ABHD12: variants seen among roughly 807,000 people sequenced by gnomAD.
The protein encoded by ABHD12 is lysophosphatidylserine lipase ABHD12.
A neutral mutation model predicts 58.3 loss-of-function variants in ABHD12; 43 were observed. The observed-to-expected ratio is 0.74, with a 90% CI of 0.58 to 0.95. The LOEUF is 0.95. Among genes scored for constraint, ABHD12 ranks in the 40% least tolerant of loss-of-function variants. The probability of loss-of-function intolerance (pLI) is 0.00; values close to 1 mark genes in which losing one functional copy is unlikely to be tolerated. For missense variants in ABHD12, 539 were observed against 537.2 expected (o/e 1.00, Z -0.03); for synonymous variants, 219 against 211.2 (o/e 1.04, Z -0.32).
chr20:25,369,927 T>TAAAAAAAAAA lies in ABHD12; in HGVS notation c.191+20576_191+20585dup. 2.2e-5 allele frequency among the ~76,000 whole-genome samples: 2 copies of TAAAAAAAAAA among 91,440 alleles called. 1 individual carries two copies. Among genetic ancestry groups the TAAAAAAAAAA allele is most frequent in the Non-Finnish European group, 4.1e-5 (2 of 48,732 alleles). 60.0% of individuals were successfully genotyped at this position (91,440 alleles called of 152,430 possible). ...AGACCCTGTTTCTCTGTCTCTGTTA[T>TAAAAAAAAAA]AAAAAAAAAAAAAAAAAAAAAAGCC... On this transcript the variant is annotated intron_variant, in intron 1 of 12. Coordinates refer to ENST00000339157, the MANE Select transcript of ABHD12 (RefSeq NM_001042472.3).
At chr20:25,350,868 C>T (rs2089588285) in intron 1 of ABHD12, among the ~76,000 whole-genome samples, 1 of 151,910 alleles carries the variant, frequency 6.6e-6, no homozygotes, top group Admixed American at 6.6e-5. Context: ...GGGAAGATCT[C>T]CAGTCAGGCT....
At chr20:25,335,641 G>A (rs1410987764) in intron 2 of ABHD12, among the ~76,000 whole-genome samples, 1 of 145,196 alleles carries the variant, frequency 6.9e-6, no homozygotes. Context: ...AAAATGATGA[G>A]TTCATGTCCT....
chr20:25,296,712 C>T, downstream of ABHD12: 1 of 762,622 alleles, frequency 1.3e-6, no homozygotes, highest in East Asian at 2.8e-5. Flanking sequence ...TAGAAGTGCT[C>T]CTAGTTTCTT....
At chr20:25,338,991 A>C in intron 2 of ABHD12, 2 of 1,283,082 alleles carry the variant, frequency 1.6e-6, no homozygotes, top group Non-Finnish European at 2.0e-6. Context: ...CCAGCTGGGA[A>C]GGGGCACAGG....
At chr20:25,374,792 G>A (rs545831492) in intron 1 of ABHD12, among the ~76,000 whole-genome samples, 13 of 152,222 alleles carry the variant, frequency 8.5e-5, no homozygotes, top group East Asian at 1.9e-4. Flanking sequence ...GAGCCACCAC[G>A]CCCAGCCTAC....
intron 3 of ABHD12, among the ~76,000 whole-genome samples, chr20:25,321,423 G>A (rs369935394): frequency 2.6e-5 from 4 of 152,400 alleles, no homozygotes; most frequent in African/African-American, 7.2e-5. Context: ...GCTGGTGGGA[G>A]GGTCTGATGA....
intron 1 of ABHD12, among the ~76,000 whole-genome samples, chr20:25,349,583 G>T (rs187923374): frequency 6.6e-6 from 1 of 152,162 alleles, no homozygotes; most frequent in Non-Finnish European, 1.5e-5. Context: ...AATGAAATTT[G>T]GATGCATGCT....
At chr20:25,375,069 T>G (rs928863904) in intron 1 of ABHD12, among the ~76,000 whole-genome samples, 4 of 152,164 alleles carry the variant, frequency 2.6e-5, no homozygotes, top group African/African-American at 9.7e-5. Context: ...CCACTATGAC[T>G]CAGCTTTGTA....
intron 1 of ABHD12, among the ~76,000 whole-genome samples, chr20:25,355,949 T>G (rs1468680254): frequency 6.6e-6 from 1 of 152,208 alleles, no homozygotes; most frequent in African/African-American, 2.4e-5. Context: ...TCCTTTTGCA[T>G]GCTTTGAGCT....
intron 1 of ABHD12, among the ~76,000 whole-genome samples, chr20:25,340,472 G>A (rs1480829156): frequency 6.6e-6 from 1 of 152,172 alleles, no homozygotes; most frequent in African/African-American, 2.4e-5. Flanking sequence ...ACCCATGAGA[G>A]GAGTGTGAAA....
At chr20:25,335,812 TGGGGGGA>T (rs1568738829) in intron 2 of ABHD12, among the ~76,000 whole-genome samples, 2 of 83,068 alleles carry the variant, frequency 2.4e-5, no homozygotes, top group East Asian at 8.6e-4. Context: ...TGTTGTGGGG[TGGGGGGA>T]GGGGGGAGGG....
chr20:25,378,864 A>C (rs575643141), intron 1 of ABHD12, among the ~76,000 whole-genome samples: 1 of 152,042 alleles, frequency 6.6e-6, no homozygotes, highest in African/African-American at 2.4e-5. Flanking sequence ...CCTTTCCCAC[A>C]CCAACACCCA....
At chr20:25,383,970 A>AG (rs1383101157) in intron 1 of ABHD12, among the ~76,000 whole-genome samples, 58 of 128,238 alleles carry the variant, frequency 4.5e-4, no homozygotes, top group African/African-American at 1.1e-3. Context: ...AAAAAAAAAA[A>AG]AAAAGAAAAA....
chr20:25,312,469 G>A (rs553927965), intron 6 of ABHD12, among the ~76,000 whole-genome samples: 999 of 33,126 alleles, frequency 0.03, 16 homozygotes, highest in African/African-American at 0.11. Flanking sequence ...ACGGAGTCTC[G>A]TTCACTCAGT....
chr20:25,390,476 G>GCCC (rs773039836), intron 1 of ABHD12, 37 bp downstream of exon 1: 150 of 1,034,920 alleles, frequency 1.4e-4, no homozygotes, highest in South Asian at 8.5e-4. Context: ...GTGAGGGACC[G>GCCC]GCCCCCCCCC....
chr20:25,384,355 T>C (rs951629519), intron 1 of ABHD12, among the ~76,000 whole-genome samples: 4 of 150,566 alleles, frequency 2.7e-5, no homozygotes, highest in South Asian at 2.1e-4. Flanking sequence ...ACCTCCAAAA[T>C]TGTTCTCATC....
chr20:25,344,762 C>G lies in ABHD12; in HGVS notation c.192-5411G>C, dbSNP rs188646849. On this transcript the variant is annotated intron_variant, in intron 1 of 12. Coordinates refer to ENST00000339157, the MANE Select transcript of ABHD12 (RefSeq NM_001042472.3). ...TGACACAAGCTGGCTTGAATACTTA[C>G]AATAAAGCCACAGTAATCAAGACAG... Among the ~76,000 whole-genome samples the G allele has an allele frequency of 3.1e-3, 472 of 152,260 alleles. 1 individual carries two copies. Among genetic ancestry groups the G allele is most frequent in the Non-Finnish European group, 5.4e-3 (367 of 68,012 alleles).
intron 1 of ABHD12, among the ~76,000 whole-genome samples, chr20:25,380,876 A>G (rs896869964): frequency 6.6e-6 from 1 of 152,104 alleles, no homozygotes; most frequent in African/African-American, 2.4e-5. Context: ...GCACCTCAAT[A>G]TGTCCAAAAC....
chr20:25,362,738 G>C (rs1212778244), intron 1 of ABHD12, among the ~76,000 whole-genome samples: 2 of 151,020 alleles, frequency 1.3e-5, no homozygotes, highest in Admixed American at 6.6e-5. Flanking sequence ...GCAATGGCGC[G>C]ATCTTGGCTC....
Sources: allele counts gnomAD v4.1 joint callset (sites outside exome capture counted in the v4.1 genomes callset), GRCh38; gene constraint gnomAD v4.1.1; transcripts MANE v1.5; gene names NCBI Gene and HGNC (gene_info 2026-07-23, HGNC 2026-07-21).